Variants in LHFPL6 observed in about 807,000 individuals in gnomAD.
LHFPL6 encodes LHFPL tetraspan subfamily member 6.
Under a neutral mutation model 20.6 loss-of-function variants are expected in LHFPL6, and 9 were observed. That is an observed-to-expected ratio of 0.44 (90% confidence interval 0.26 to 0.76). The LOEUF is 0.76. LHFPL6 is among the 30% of genes least tolerant of loss of function. The pLI is 0.20. For synonymous variants in LHFPL6, 105 were observed against 98.7 expected, an observed-to-expected ratio of 1.06 and a Z score of -0.38; for missense variants, 218 against 253.5, an observed-to-expected ratio of 0.86 and a Z score of 0.95.
intron 2 of LHFPL6, among the ~76,000 whole-genome samples, chr13:39,540,708 C>T (rs73466811): frequency 0.014 from 2,105 of 152,198 alleles, 42 homozygotes; most frequent in African/African-American, 0.048. Context: ...GACAATACTT[C>T]CCTAAGAGTT....
intron 3 of LHFPL6, among the ~76,000 whole-genome samples, chr13:39,344,531 G>A (rs1026092120): frequency 2.0e-5 from 3 of 152,178 alleles, no homozygotes; most frequent in African/African-American, 7.2e-5. Context: ...ATGTGGAATG[G>A]TCAAGTGACT....
At chr13:39,421,898 A>C (rs1341192560) in intron 2 of LHFPL6, among the ~76,000 whole-genome samples, 1 of 152,218 alleles carries the variant, frequency 6.6e-6, no homozygotes, top group Non-Finnish European at 1.5e-5. Flanking sequence ...CAATGTGAGG[A>C]ATCTGTACAC....
At chr13:39,452,514 G>A (rs1005200438) in intron 2 of LHFPL6, among the ~76,000 whole-genome samples, 1 of 152,198 alleles carries the variant, frequency 6.6e-6, no homozygotes, top group African/African-American at 2.4e-5. Flanking sequence ...CCTTAAAAAT[G>A]TAAAGTGGAG....
intron 2 of LHFPL6, among the ~76,000 whole-genome samples, chr13:39,424,381 A>C (rs555203311): frequency 2.2e-4 from 34 of 152,296 alleles, no homozygotes; most frequent in Non-Finnish European, 4.0e-4. Flanking sequence ...AAATAAATGA[A>C]AACTGTGAAA....
chr13:39,457,088 C>A (rs1000714858), intron 2 of LHFPL6, among the ~76,000 whole-genome samples: 1 of 152,056 alleles, frequency 6.6e-6, no homozygotes, highest in African/African-American at 2.4e-5. Flanking sequence ...ACGTGAGCCA[C>A]AGCACTTGGC....
chr13:39,355,011 C>T (rs537612090), intron 3 of LHFPL6, among the ~76,000 whole-genome samples: 2 of 150,388 alleles, frequency 1.3e-5, no homozygotes, highest in East Asian at 3.9e-4. Context: ...AAAATTTCCA[C>T]AATCTCACTA....
At chr13:39,434,670 C>T (rs1270106540) in intron 2 of LHFPL6, among the ~76,000 whole-genome samples, 1 of 152,162 alleles carries the variant, frequency 6.6e-6, no homozygotes, top group Non-Finnish European at 1.5e-5. Context: ...GTCATGGTTG[C>T]AGCACCAAAC....
chr13:39,364,144 A>G (rs774794273), intron 3 of LHFPL6, among the ~76,000 whole-genome samples: 9 of 152,198 alleles, frequency 5.9e-5, no homozygotes, highest in Non-Finnish European at 1.2e-4. Flanking sequence ...TGGAAATGAG[A>G]TCGTTAGAAA....
chr13:39,366,843 T>TTTA (rs1272637524), intron 3 of LHFPL6, among the ~76,000 whole-genome samples: 3 of 152,218 alleles, frequency 2.0e-5, no homozygotes, highest in Admixed American at 1.3e-4. Context: ...ACTCAAATCT[T>TTTA]TTATAATGGA....
intron 2 of LHFPL6, among the ~76,000 whole-genome samples, chr13:39,523,687 A>G (rs1184210447): frequency 6.6e-6 from 1 of 152,200 alleles, no homozygotes; most frequent in Non-Finnish European, 1.5e-5. Context: ...AGCCTGAGAA[A>G]TCTTAGGTAC....
chr13:39,577,336 G>A (rs926720073), intron 2 of LHFPL6, among the ~76,000 whole-genome samples: 21 of 152,166 alleles, frequency 1.4e-4, no homozygotes, highest in Non-Finnish European at 2.8e-4. Context: ...AATTGAAGTA[G>A]CAAGTACTTG....
At chr13:39,349,355 TAGAGTA>T (rs1429496179) in intron 3 of LHFPL6, among the ~76,000 whole-genome samples, 1 of 152,212 alleles carries the variant, frequency 6.6e-6, no homozygotes, top group Non-Finnish European at 1.5e-5. Flanking sequence ...TCAGTCTAGT[TAGAGTA>T]AGGTGTGTCA....
At chr13:39,399,922 C>T (rs147246065) in intron 2 of LHFPL6, among the ~76,000 whole-genome samples, 1,670 of 152,126 alleles carry the variant, frequency 0.011, 32 homozygotes, top group African/African-American at 0.036. Flanking sequence ...GGAGAAACCC[C>T]GTCTCTACTA....
chr13:39,530,789 T>C (rs1434893731), intron 2 of LHFPL6, among the ~76,000 whole-genome samples: 3 of 151,976 alleles, frequency 2.0e-5, no homozygotes, highest in African/African-American at 4.8e-5. Context: ...TATCCGTGAC[T>C]GAACCTGGGG....
At chr13:39,599,313 G>GA (rs1872859460) in intron 2 of LHFPL6, among the ~76,000 whole-genome samples, 1 of 152,150 alleles carries the variant, frequency 6.6e-6, no homozygotes. Context: ...TATTCTTACA[G>GA]AAAAAAATTT....
chr13:39,543,134 T>C (rs9532396), intron 2 of LHFPL6, among the ~76,000 whole-genome samples: 58,177 of 152,078 alleles, frequency 0.38, 11,769 homozygotes, highest in South Asian at 0.45. Context: ...CAGTGTCTGG[T>C]TTATTTCATT....
intron 2 of LHFPL6, among the ~76,000 whole-genome samples, chr13:39,597,978 A>T (rs1872818419): frequency 6.6e-6 from 1 of 152,242 alleles, no homozygotes; most frequent in Non-Finnish European, 1.5e-5. Flanking sequence ...GTATTTTGCC[A>T]TTCTCCTGTT....
chr13:39,562,417 C>CATATACATATATACAT (rs1555268241), intron 2 of LHFPL6, among the ~76,000 whole-genome samples: 1,665 of 57,872 alleles, frequency 0.029, 116 homozygotes, highest in African/African-American at 0.083. Flanking sequence ...CACATATACA[C>CATATACATATATACAT]ATATACATAT....
chr13:39,521,421 T>C lies in LHFPL6; in HGVS notation c.385+79411A>G, dbSNP rs150017301. ...TTGCTGTATGTGCATTACATGTACA[T>C]TTCATGTGCTGAAAGGGAGATTAGT... is the stretch of plus-strand genomic sequence containing the variant. On this transcript the variant is annotated intron_variant, in intron 2 of 3. Transcript: ENST00000379589. Among the ~76,000 whole-genome samples the C allele has an allele frequency of 2.8e-3, 427 of 152,342 alleles. 4 individuals are homozygous for C. The highest frequency in any genetic ancestry group is 9.8e-3 in the African/African-American group (406 of 41,574).
Sources: allele counts gnomAD v4.1 joint callset (sites outside exome capture counted in the v4.1 genomes callset), GRCh38; gene constraint gnomAD v4.1.1; transcripts MANE v1.5; gene names NCBI Gene and HGNC (gene_info 2026-07-23, HGNC 2026-07-21).